The following ZC4H2 variants were observed in gnomAD, a reference collection of about 807,000 sequenced individuals.
The protein encoded by ZC4H2 is zinc finger C4H2 domain-containing protein.
For synonymous variants in ZC4H2, 84 were observed against 66.3 expected, an observed-to-expected ratio of 1.27 and a Z score of -1.30; for missense variants, 137 against 173.9, an observed-to-expected ratio of 0.79 and a Z score of 1.19.
At chrX:64,927,631 C>T (rs1310625216) in intron 1 of ZC4H2, among the ~76,000 whole-genome samples, 1 of 111,771 alleles carries the variant, frequency 8.9e-6, no homozygotes, top group Non-Finnish European at 1.9e-5. Context: ...ATTTATAATC[C>T]TTTGGGTATA....
At chrX:64,944,316 T>G (rs1019170081) in intron 1 of ZC4H2, among the ~76,000 whole-genome samples, 1 of 108,815 alleles carries the variant, frequency 9.2e-6, no homozygotes, top group Non-Finnish European at 1.9e-5. Context: ...AATTGTTTTG[T>G]ATTTTTTTAG....
chrX:64,971,903 G>T (rs905178903), intron 1 of ZC4H2, among the ~76,000 whole-genome samples: 1 of 111,398 alleles, frequency 9.0e-6, no homozygotes, highest in East Asian at 2.8e-4. Context: ...GTACATCGGG[G>T]TGTGAGTGTA....
intron 1 of ZC4H2, among the ~76,000 whole-genome samples, chrX:64,944,130 TTTTC>T (rs1177956836): frequency 9.6e-6 from 1 of 103,686 alleles, no homozygotes; most frequent in African/African-American, 3.9e-5. Context: ...GTTAAAATTT[TTTTC>T]TTTTTTCTTT....
intron 1 of ZC4H2, among the ~76,000 whole-genome samples, chrX:64,953,366 C>T (rs1025373965): frequency 3.6e-5 from 4 of 111,927 alleles, no homozygotes; most frequent in Non-Finnish European, 7.5e-5. Context: ...AAGGAAACTA[C>T]CATCAGATTG....
chrX:64,945,473 C>T (rs1420898393), intron 1 of ZC4H2, among the ~76,000 whole-genome samples: 2 of 111,361 alleles, frequency 1.8e-5, no homozygotes, highest in Non-Finnish European at 3.8e-5. Flanking sequence ...AGAGGGGCAC[C>T]TGCCAGATGC....
At chrX:64,957,230 G>A (rs1474615050) in intron 1 of ZC4H2, among the ~76,000 whole-genome samples, 1 of 112,034 alleles carries the variant, frequency 8.9e-6, no homozygotes, top group African/African-American at 3.2e-5. Flanking sequence ...CAATCCAGTT[G>A]TTTCTGTACC....
rs1307596217 is a variant in ZC4H2 at position 65,001,979 on chromosome X, A to T, written c.-272+32650T>A. Among the ~76,000 whole-genome samples the T allele has an allele frequency of 2.7e-5, 3 of 111,507 alleles. No homozygotes were observed. In the East Asian group the frequency reaches 8.5e-4, roughly 32 times the overall value. On this transcript the variant is annotated intron_variant, in intron 1 of 4. Transcript: ENST00000337990. ...GACGTAAAAAGAGACTTAGACTCCC[A>T]CACAATAATAGTGGGAGACTTTAAC... is the stretch of plus-strand genomic sequence containing the variant.
intron 1 of ZC4H2, among the ~76,000 whole-genome samples, chrX:65,011,724 G>T (rs766551434): frequency 0.019 from 2,053 of 106,228 alleles, 20 homozygotes; most frequent in Non-Finnish European, 0.028. Context: ...ATTTTTTTTT[G>T]TTGTTGTTGT....
upstream of ZC4H2, chrX:64,976,637 T>C: frequency 2.5e-6 from 1 of 394,090 alleles, no homozygotes. Context: ...CAATTTGTTA[T>C]AGATAATTAT....
intron 1 of ZC4H2, among the ~76,000 whole-genome samples, chrX:65,031,501 T>C (rs1333462845): frequency 9.1e-6 from 1 of 110,070 alleles, no homozygotes; most frequent in African/African-American, 3.3e-5. Flanking sequence ...CACTGATTTG[T>C]AATTGTAAAG....
At chrX:65,015,105 T>G (rs749071676) in intron 1 of ZC4H2, among the ~76,000 whole-genome samples, 22 of 109,417 alleles carry the variant, frequency 2.0e-4, no homozygotes, top group Non-Finnish European at 4.3e-4. Flanking sequence ...AATTAATATT[T>G]GCTTGAGAAT....
intron 1 of ZC4H2, among the ~76,000 whole-genome samples, chrX:64,971,504 T>G (rs1209940061): frequency 8.9e-6 from 1 of 112,036 alleles, no homozygotes; most frequent in African/African-American, 3.3e-5. Context: ...CAACATTGAC[T>G]TTCAGATTGC....
chrX:65,003,256 C>A (rs1483134516), intron 1 of ZC4H2, among the ~76,000 whole-genome samples: 1 of 110,855 alleles, frequency 9.0e-6, no homozygotes, highest in African/African-American at 3.3e-5. Flanking sequence ...GACAATGTAC[C>A]AGATTCTCTA....
intron 1 of ZC4H2, among the ~76,000 whole-genome samples, chrX:65,024,247 T>C (rs1330746219): frequency 9.1e-6 from 1 of 110,476 alleles, no homozygotes; most frequent in Non-Finnish European, 1.9e-5. Flanking sequence ...ACCCCAGAAC[T>C]TAAAGTATAA....
At chrX:64,920,360 A>G in intron 2 of ZC4H2, 107 bp from the exon 3 acceptor site, 1 of 870,410 alleles carries the variant, frequency 1.1e-6, no homozygotes, top group Non-Finnish European at 1.6e-6. Flanking sequence ...TTCAGTCTAT[A>G]TTCAAGTCCT....
Position 64,916,534 on chromosome X carries a change from G to A in ZC4H2, c.*1249C>T, listed in dbSNP as rs983260011. 1 of 111,949 alleles carries A rather than the reference G, an allele frequency of 8.9e-6. No homozygotes were observed. The highest frequency in any genetic ancestry group is 3.2e-5 in the African/African-American group (1 of 30,801). The allele number at this position is 111,949 out of a possible 1,213,427, so 9.2% of individuals were successfully genotyped here. A position where few individuals can be genotyped will look rare whatever the true frequency, so the allele number is the denominator to read the frequency against. On this transcript the variant is annotated 3_prime_UTR_variant, in exon 5 of 5. Coordinates refer to ENST00000374839, the MANE Select transcript of ZC4H2 (RefSeq NM_018684.4). ...ATATAGTGAACACATACACACTGTG[G>A]CAATGTAAAACTACTTAAGGAAGGA...
chrX:64,979,554 G>A (rs1420994066), upstream of ZC4H2, among the ~76,000 whole-genome samples: 5 of 112,192 alleles, frequency 4.5e-5, no homozygotes, highest in African/African-American at 3.2e-5. Flanking sequence ...AAGAATCCAG[G>A]CTAGCAGTGA....
chrX:64,932,383 G>T (rs1156491932), intron 1 of ZC4H2, among the ~76,000 whole-genome samples: 5 of 111,218 alleles, frequency 4.5e-5, no homozygotes, highest in Non-Finnish European at 7.5e-5. Context: ...GAAATGTGAG[G>T]TACTGTTGTA....
intron 1 of ZC4H2, among the ~76,000 whole-genome samples, chrX:65,012,577 A>C (rs1459111844): frequency 1.8e-5 from 2 of 111,939 alleles, no homozygotes; most frequent in Non-Finnish European, 3.8e-5. Flanking sequence ...CATATTTTTA[A>C]ATTTATCCTC....
Sources: gnomAD v4.1 joint callset for allele counts (sites outside exome capture counted in the v4.1 genomes callset) on GRCh38, gnomAD v4.1.1 for gene constraint, MANE v1.5 for transcripts, NCBI Gene and HGNC (gene_info 2026-07-23, HGNC 2026-07-21) for gene names.